The following TBC1D26 variants were observed in gnomAD, a reference collection of about 807,000 sequenced individuals.
The protein encoded by TBC1D26 is TBC1 domain family, member 26.
TBC1D26 carries 19 observed loss-of-function variants against 42.5 expected under a neutral mutation model. The ratio of observed to expected loss-of-function variants is 0.45; its 90% CI spans 0.31 to 0.66. The LOEUF (loss-of-function observed/expected upper bound fraction) is 0.66, where lower values mean the gene tolerates loss of function less well. Among genes scored for constraint, TBC1D26 ranks in the 30% least tolerant of loss-of-function variants. TBC1D26 has a pLI of 0.06. For missense variants in TBC1D26, 228 were observed against 332.6 expected (o/e 0.69, Z 2.45); for synonymous variants, 97 against 123.5 (o/e 0.79, Z 1.42).
chr17:15,735,169 C>T (rs984134675), intron 2 of TBC1D26, 99 bp downstream of exon 2: 66 of 702,884 alleles, frequency 9.4e-5, no homozygotes, highest in Non-Finnish European at 1.2e-4. Context: ...TGGTTGGAGG[C>T]AAGGACTTCA....
rs1030908321 is a variant in TBC1D26, at chr17:15,738,320, G to A, written c.320G>A (p.Arg107Gln). The A allele has an allele frequency of 3.7e-6, 6 of 1,613,562 alleles. No individual in the cohort carries two copies. The highest frequency in any genetic ancestry group is 3.3e-5 in the Admixed American group (2 of 59,974). ...RVYKVIPLAV[R>Q]GRAWSLLLDI... ...TACAAAGTCATTCCCCTGGCGGTAC[G>A]GGGCCGGGCGTGGTCACTTTTGCTA... Residue 107 changes from arginine (R) to glutamine (Q), a missense_variant, in exon 7 of 15, where the codon CGG (arginine) becomes CAG (glutamine). By Grantham distance (43) the Arg-to-Gln change is conservative. Transcript: ENST00000437605.
In TBC1D26 at chr17:15,735,058, C is replaced by T; in HGVS notation, c.-14C>T. Reference sequence around the variant, plus strand: ...CCCTCAGCAAGTGGACGCCGTTTGTCCTGCCAGGGCAGGTGTGTGTCTGCC... The same window carrying T: ...CCCTCAGCAAGTGGACGCCGTTTGTTCTGCCAGGGCAGGTGTGTGTCTGCC... On this transcript the variant is annotated 5_prime_UTR_variant, in exon 2 of 15. Transcript: ENST00000437605. 2.1e-6 allele frequency: 1 copy of T among 484,560 alleles called. No homozygotes were observed. Among genetic ancestry groups the T allele is most frequent in the East Asian group, 3.4e-5 (1 of 29,466 alleles). 30.0% of individuals were successfully genotyped at this position (484,560 alleles called of 1,614,324 possible).
At chr17:15,733,353 C>T (rs200289892) in intron 1 of TBC1D26, among the ~76,000 whole-genome samples, 26,353 of 150,528 alleles carry the variant, frequency 0.18, 2,025 homozygotes, top group African/African-American at 0.24. Flanking sequence ...TGGAAGGCTA[C>T]TGGGAGGAGG....
rs73978526 is a variant in TBC1D26, at chr17:15,741,374, C to A, written c.646+153C>A. 1,729 of 1,395,130 alleles carry A rather than the reference C, an allele frequency of 1.2e-3. 4 individuals are homozygous for A. The African/African-American group carries it at 0.021, about 17-fold the overall frequency. The allele number at this position is 1,395,130 out of a possible 1,614,324, so 86.4% of individuals were successfully genotyped here. A position where few individuals can be genotyped will look rare whatever the true frequency, so the allele number is the denominator to read the frequency against. On this transcript the variant is annotated intron_variant, in intron 10 of 14. Transcript: ENST00000437605. Reference sequence around the variant, plus strand: ...GTTTGGAGCCTCCAGGATGTCCCTGCTGAGGTCCTACAGCAGCCTGGGTCT... The same window carrying A: ...GTTTGGAGCCTCCAGGATGTCCCTGATGAGGTCCTACAGCAGCCTGGGTCT...
intron 8 of TBC1D26, among the ~76,000 whole-genome samples, chr17:15,739,199 A>G (rs2151500603): frequency 6.6e-6 from 1 of 150,870 alleles, no homozygotes; most frequent in Admixed American, 6.6e-5. Context: ...TGCCCAAAAT[A>G]CTAGAAAGGA....
chr17:15,733,038 G>T (rs1475551738), intron 1 of TBC1D26, among the ~76,000 whole-genome samples: 8 of 151,158 alleles, frequency 5.3e-5, no homozygotes, highest in Non-Finnish European at 1.0e-4. Flanking sequence ...ACTGGTCAGC[G>T]AGGACATGGT....
In TBC1D26 at chr17:15,742,495, G is replaced by A. The variant is rs944641045; in HGVS notation, c.807+16G>A. On this transcript the variant is annotated intron_variant, in intron 12 of 14. Transcript: ENST00000437605. ...CCTTGATGGGGTAAGGAGGCACAGG[G>A]AGACCCCAGCCCTGGGACTCTCCTG... 8.2e-5 allele frequency: 18 copies of A among 219,634 alleles called. No individual in the cohort carries two copies. Among genetic ancestry groups the A allele is most frequent in the African/African-American group, 4.0e-4 (17 of 42,246 alleles). 13.6% of individuals were successfully genotyped at this position (219,634 alleles called of 1,614,324 possible). A position where few individuals can be genotyped will look rare whatever the true frequency, so the allele number is the denominator to read the frequency against.
chr17:15,738,480 T>G, intron 7 of TBC1D26, 93 bp downstream of exon 7: 1 of 1,490,708 alleles, frequency 6.7e-7, no homozygotes, highest in Admixed American at 1.8e-5. Context: ...GAGCCTGGGT[T>G]GGGAGTGGGG....
At chr17:15,737,919 A>G (rs1967662689) in intron 5 of TBC1D26, 78 bp from the exon 6 acceptor site, 1 of 1,600,236 alleles carries the variant, frequency 6.2e-7, no homozygotes. Flanking sequence ...CAGGGCCCCA[A>G]AGCCCTGGAC....
At chr17:15,741,601 C>A in intron 10 of TBC1D26, 1 of 467,176 alleles carries the variant, frequency 2.1e-6, no homozygotes, top group South Asian at 2.6e-5. Context: ...GCCAACAAAG[C>A]CAAGATGGAA....
chr17:15,738,040 T>C lies in TBC1D26; in HGVS notation c.242T>C (p.Met81Thr), dbSNP rs768695889. The C allele has an allele frequency of 3.1e-6, 5 of 1,614,182 alleles. No individual in the cohort carries two copies. The South Asian group carries it at 5.5e-5, about 18-fold the overall frequency. The change falls in exon 6 of 15, where the codon ATG becomes ACG. Residue 81 changes from methionine (M) to threonine (T), a missense_variant. Coordinates refer to ENST00000437605, the MANE Select transcript of TBC1D26 (RefSeq NM_001388465.1). ...AAACGTACCAACAAGTGGCAAAAGA[T>C]GCTTGCAGACTGGACAAAATATAGG... The part of the protein sequence containing the change: ...ESKRTNKWQK[M>T]LADWTKYRST...
At chr17:15,741,791 C>T (rs1019645554) in intron 10 of TBC1D26, 151 bp from the exon 11 acceptor site, 2 of 699,568 alleles carry the variant, frequency 2.9e-6, no homozygotes, top group African/African-American at 1.8e-5. Context: ...GGGACCTCCT[C>T]CCCAGGGCTG....
chr17:15,741,248 G>A, intron 10 of TBC1D26, 27 bp downstream of exon 10: 1 of 1,612,908 alleles, frequency 6.2e-7, no homozygotes, highest in Non-Finnish European at 8.5e-7. Context: ...GTGGGTAGGT[G>A]GACAGCTGCC....
At chr17:15,732,594 G>A (rs1333298056) in intron 1 of TBC1D26, among the ~76,000 whole-genome samples, 1 of 151,252 alleles carries the variant, frequency 6.6e-6, no homozygotes, top group Non-Finnish European at 1.5e-5. Flanking sequence ...TCAGAGAGGA[G>A]GTGACTGGCC....
chr17:15,742,075 T>G (rs758103295), intron 11 of TBC1D26, 39 bp downstream of exon 11: 8 of 1,586,386 alleles, frequency 5.0e-6, no homozygotes, highest in Non-Finnish European at 6.0e-6. Context: ...CCAGACGCCC[T>G]GGCCCCCATA....
In TBC1D26 at chr17:15,738,064, G is replaced by A. The variant is rs1967667854; in HGVS notation, c.266G>A (p.Arg89Lys). The change falls in exon 6 of 15, where the codon AGG becomes AAG. Residue 89 changes from arginine (R) to lysine (K), a missense_variant. Physicochemically the swap from Arg to Lys is conservative, Grantham distance 26. This residue lies in a region of TBC1D26 where 72 missense variants were observed against 90.1 expected (regional missense o/e 0.80). Transcript: ENST00000437605. ...ATGCTTGCAGACTGGACAAAATATA[G>A]GAGCACCAAGAAGGTAACATGGGGA... is the stretch of plus-strand genomic sequence containing the variant. ...QKMLADWTKY[R>K]STKKLSQRVY... 2 of 1,614,178 alleles carry A rather than the reference G, an allele frequency of 1.2e-6. No individual in the cohort carries two copies. Among genetic ancestry groups the A allele is most frequent in the Non-Finnish European group, 1.7e-6 (2 of 1,180,022 alleles).
In TBC1D26 at chr17:15,740,147, C is replaced by A; in HGVS notation, c.545C>A (p.Pro182His). ...CTCGTGGCCTATTCTGCATATAACC[C>A]TGTGAGTATTCCCGGGCAGCGATAT... ...DILVAYSAYN[P>H]EVGYHRDLSR... is the part of the protein sequence containing the mutation. The change falls in exon 9 of 15, where the codon CCT becomes CAT. Residue 182 changes from proline to histidine, a missense_variant and splice_region_variant. Pro to His is a moderately conservative substitution (Grantham distance 77). Around this residue, in one of 5 missense-constraint regions of TBC1D26, gnomAD observed 130 missense variants for 168.5 expected, o/e 0.77. Transcript: ENST00000437605. 1 of 1,614,174 alleles carries A rather than the reference C, an allele frequency of 6.2e-7. No individual in the cohort carries two copies. The highest frequency in any genetic ancestry group is 8.5e-7 in the Non-Finnish European group (1 of 1,180,024).
intron 9 of TBC1D26, 79 bp from the exon 10 acceptor site, chr17:15,741,043 C>T: frequency 6.3e-7 from 1 of 1,582,806 alleles, no homozygotes; most frequent in Non-Finnish European, 8.6e-7. Flanking sequence ...ACCTGTGCCA[C>T]CTCTGGTGAC....
chr17:15,743,663 T>C, intron 14 of TBC1D26, 147 bp downstream of exon 14: 1 of 183,814 alleles, frequency 5.4e-6, no homozygotes, highest in Non-Finnish European at 1.0e-5. Flanking sequence ...GAAAGTCAGA[T>C]GGGTCTGCCA....
Sources: allele counts gnomAD v4.1 joint callset (sites outside exome capture counted in the v4.1 genomes callset), GRCh38; gene constraint gnomAD v4.1.1; regional missense constraint gnomAD v4.1.1; transcripts MANE v1.5; gene names NCBI Gene and HGNC (gene_info 2026-07-23, HGNC 2026-07-21).